Variants in UGT1A7 observed in about 807,000 individuals in gnomAD.
UGT1A7 encodes the protein UDP glucuronosyltransferase family 1 member A7.
A neutral mutation model predicts 45.6 loss-of-function variants in UGT1A7; 33 were observed. The ratio of observed to expected loss-of-function variants is 0.72; its 90% confidence interval spans 0.55 to 0.97. The LOEUF is 0.97. Among genes scored for constraint, UGT1A7 ranks in the 50% least tolerant of loss-of-function variants. The pLI is 0.00. For missense variants in UGT1A7, 684 were observed against 666.2 expected (o/e 1.03, Z -0.29); for synonymous variants, 274 against 250.6 (o/e 1.09, Z -0.88).
intron 1 of UGT1A7, among the ~76,000 whole-genome samples, chr2:233,683,789 T>G (rs1464209598): frequency 6.6e-6 from 1 of 152,186 alleles, no homozygotes; most frequent in Non-Finnish European, 1.5e-5. Flanking sequence ...TTTTACACAT[T>G]TATCTTGTAT....
At position 233,725,305 on chromosome 2, in the gene UGT1A7, C is replaced by G. The variant is rs59627078; in HGVS notation, c.856-41729C>G. 2.6e-4 allele frequency among the ~76,000 whole-genome samples: 9 copies of G among 33,972 alleles called. 3 individuals are homozygous for G. Among genetic ancestry groups the G allele is most frequent in the African/African-American group, 6.7e-4 (2 of 2,968 alleles). The allele number at this position is 33,972 out of a possible 152,430, so 22.3% of individuals were successfully genotyped here. A position where few individuals can be genotyped will look rare whatever the true frequency, so the allele number is the denominator to read the frequency against. ...GCAGAGGCAGAGGCAGAGGCAGAGG[C>G]AGAGGCAGAGGCGCCTGGTCAACAA... On this transcript the variant is annotated intron_variant, in intron 1 of 4. Coordinates refer to ENST00000373426, the MANE Select transcript of UGT1A7 (RefSeq NM_019077.3).
At chr2:233,770,756 T>C (rs1700148288) in intron 4 of UGT1A7, 1 of 152,202 alleles carries the variant, frequency 6.6e-6, no homozygotes, top group Non-Finnish European at 1.5e-5. Context: ...AGTACTAATA[T>C]TACATTATAA....
At chr2:233,760,991 C>G in intron 1 of UGT1A7, 1 of 1,614,190 alleles carries the variant, frequency 6.2e-7, no homozygotes. Context: ...ACCCTTGCCT[C>G]AGAATTCCTT....
chr2:233,739,318 A>G (rs1691049780), intron 1 of UGT1A7, among the ~76,000 whole-genome samples: 1 of 152,136 alleles, frequency 6.6e-6, no homozygotes, highest in African/African-American at 2.4e-5. Flanking sequence ...GAGTTGTGAG[A>G]AGAAGGCCAC....
Position 233,750,047 on chromosome 2 carries a change from G to A in UGT1A7, c.856-16987G>A, listed in dbSNP as rs570611446. Among the ~76,000 whole-genome samples the A allele has an allele frequency of 7.3e-4, 111 of 151,986 alleles. 3 individuals are homozygous for A. Among genetic ancestry groups the A allele is most frequent in the Non-Finnish European group, 1.1e-3 (77 of 68,028 alleles). ...CTGCTATAAAGATACTTGAAAATGT[G>A]GAAGTGACTTTGGAACTGGGTAACA... On this transcript the variant is annotated intron_variant, in intron 1 of 4. Transcript: ENST00000373426.
At chr2:233,733,599 G>A (rs2078419468) in intron 1 of UGT1A7, among the ~76,000 whole-genome samples, 1 of 152,146 alleles carries the variant, frequency 6.6e-6, no homozygotes, top group Non-Finnish European at 1.5e-5. Context: ...TTTATGTGAT[G>A]GATTACATTT....
chr2:233,695,359 C>T (rs569384151), intron 1 of UGT1A7, among the ~76,000 whole-genome samples: 5 of 151,840 alleles, frequency 3.3e-5, no homozygotes, highest in Non-Finnish European at 5.9e-5. Context: ...CTCTTGACCT[C>T]GTGGTCCGCC....
rs753373133 is a variant in UGT1A7, at chr2:233,768,431, T to C, written c.1287T>C (p.Asn429=). The change falls in exon 4 of 5, where the codon AAT becomes AAC. Residue 429 remains asparagine (N), a synonymous_variant. Coordinates refer to ENST00000373426, the MANE Select transcript of UGT1A7 (RefSeq NM_019077.3). ...AAAATGCTCTAAAAGCAGTCATCAA[T>C]GACAAAAGGTAAGAAAGAAGATACA... The part of the protein sequence containing the change: ...DLENALKAVI[N]DKSYKENIMR... 2 of 1,613,926 alleles carry C rather than the reference T, an allele frequency of 1.2e-6. No homozygotes were observed. The highest frequency in any genetic ancestry group is 1.7e-6 in the Non-Finnish European group (2 of 1,179,924).
chr2:233,693,598 G>A, intron 1 of UGT1A7: 1 of 1,614,182 alleles, frequency 6.2e-7, no homozygotes, highest in Non-Finnish European at 8.5e-7. Context: ...GCTACACAAA[G>A]TTTTCAGACC....
Position 233,747,479 on chromosome 2 carries a change from T to A in UGT1A7, c.856-19555T>A, listed in dbSNP as rs897770159. 3 of 1,608,758 alleles carry A rather than the reference T, an allele frequency of 1.9e-6. No individual in the cohort carries two copies. The African/African-American group carries it at 4.0e-5, about 22-fold the overall frequency. ...CCATTTCATGGACCCAGGATGAATT[T>A]GATCGCCTTGTGCTGGGCCACACTC... On this transcript the variant is annotated intron_variant, in intron 1 of 4. Coordinates refer to ENST00000373426, the MANE Select transcript of UGT1A7 (RefSeq NM_019077.3).
Position 233,760,582 on chromosome 2 carries a change from GT to G in UGT1A7, c.856-6447del. ...GTCTTTTGTTAGTCTCGGGCATAATGTTTTTGAGAATGATTCTTTCCTGCAG... is the reference window on the plus strand; with the variant it reads ...GTCTTTTGTTAGTCTCGGGCATAATGTTTTGAGAATGATTCTTTCCTGCAG... On this transcript the variant is annotated intron_variant, in intron 1 of 4. Coordinates refer to ENST00000373426, the MANE Select transcript of UGT1A7 (RefSeq NM_019077.3). 3 of 1,614,178 alleles carry G rather than the reference GT, an allele frequency of 1.9e-6. No homozygotes were observed. The highest frequency in any genetic ancestry group is 3.3e-4 in the Middle Eastern group (2 of 6,062).
chr2:233,760,503 A>G, intron 1 of UGT1A7: 1 of 1,614,262 alleles, frequency 6.2e-7, no homozygotes, highest in Non-Finnish European at 8.5e-7. Flanking sequence ...GAGACGGAGC[A>G]TTTTACACCT....
intron 1 of UGT1A7, among the ~76,000 whole-genome samples, chr2:233,697,719 TTCTC>T (rs1575461690): frequency 6.6e-6 from 1 of 152,276 alleles, no homozygotes; most frequent in East Asian, 1.9e-4. Flanking sequence ...TGTTAAAAAC[TTCTC>T]TCTTAGTTCT....
intron 1 of UGT1A7, among the ~76,000 whole-genome samples, chr2:233,724,946 C>T (rs1421347433): frequency 3.5e-5 from 5 of 144,538 alleles, no homozygotes; most frequent in African/African-American, 5.3e-5. Flanking sequence ...TCTGCAATCC[C>T]GGCACCTCGG....
At chr2:233,770,071 ATTC>A (rs1346170672) in intron 4 of UGT1A7, 1 of 153,458 alleles carries the variant, frequency 6.5e-6, no homozygotes, top group Non-Finnish European at 1.5e-5. Context: ...TATAATTTTG[ATTC>A]TTTCTTCAGT....
At position 233,765,603 on chromosome 2, in the gene UGT1A7, T is replaced by C. The variant is rs376691829; in HGVS notation, c.856-1431T>C. ...GGGGAACAACACACACCAGGGCTTG[T>C]GGCGGGGTGAGGGGTGAGGGGAGGA... On this transcript the variant is annotated intron_variant, in intron 1 of 4. Coordinates refer to ENST00000373426, the MANE Select transcript of UGT1A7 (RefSeq NM_019077.3). Among the ~76,000 whole-genome samples, 8 of 151,018 alleles carry C rather than the reference T, an allele frequency of 5.3e-5. No individual in the cohort carries two copies. In the East Asian group the frequency reaches 5.8e-4, roughly 11 times the overall value.
intron 1 of UGT1A7, among the ~76,000 whole-genome samples, chr2:233,724,318 C>T (rs1409125726): frequency 1.2e-4 from 17 of 142,986 alleles, no homozygotes; most frequent in African/African-American, 3.4e-4. Context: ...CCGGACGGGG[C>T]GGCTGGCCAG....
chr2:233,682,792 G>A lies in UGT1A7; in HGVS notation c.855G>A (p.Met285Ile). Reference sequence around the variant, plus strand: ...GTCATCAGGGAAAGCCAGTGCCTATGGTAAGTTATCTCCCCTTTAGCACAT... The same window carrying A: ...GTCATCAGGGAAAGCCAGTGCCTATAGTAAGTTATCTCCCCTTTAGCACAT... ...INCHQGKPVP[M>I]EFEAYINASG... The change falls in exon 1 of 5, where the codon ATG becomes ATA. Residue 285 changes from methionine (M) to isoleucine (I), a missense_variant and splice_region_variant. Met to Ile is a conservative substitution (Grantham distance 10). Coordinates refer to ENST00000373426, the MANE Select transcript of UGT1A7 (RefSeq NM_019077.3). 6.2e-7 allele frequency: 1 copy of A among 1,611,130 alleles called. No individual in the cohort carries two copies. The highest frequency in any genetic ancestry group is 1.1e-5 in the South Asian group (1 of 90,800).
At chr2:233,718,270 A>G (rs1323395079) in intron 1 of UGT1A7, among the ~76,000 whole-genome samples, 2 of 152,200 alleles carry the variant, frequency 1.3e-5, no homozygotes, top group Non-Finnish European at 2.9e-5. Context: ...GGTGTGAAAA[A>G]AGACCAAAAC....
Sources: gnomAD v4.1 joint callset for allele counts (sites outside exome capture counted in the v4.1 genomes callset) on GRCh38, gnomAD v4.1.1 for gene constraint, MANE v1.5 for transcripts, NCBI Gene and HGNC (gene_info 2026-07-23, HGNC 2026-07-21) for gene names.